ZUP1: variants seen among roughly 807,000 people sequenced by gnomAD.
ZUP1 encodes zinc finger containing ubiquitin peptidase 1, also known as zinc finger-containing ubiquitin peptidase 1.
Under a neutral mutation model 68.1 loss-of-function variants are expected in ZUP1, and 55 were observed. The ratio of observed to expected loss-of-function variants is 0.81; its 90% CI spans 0.65 to 1.01. The LOEUF (loss-of-function observed/expected upper bound fraction) is 1.01, where lower values mean the gene tolerates loss of function less well. Ranked by LOEUF, ZUP1 falls within the 50% of genes least tolerant of loss-of-function variation. The pLI, the probability that ZUP1 is intolerant of heterozygous loss-of-function variation, is 0.00. For synonymous variants in ZUP1, 223 were observed against 221.5 expected, an observed-to-expected ratio of 1.01 and a Z score of -0.06; for missense variants, 684 against 674.9, an observed-to-expected ratio of 1.01 and a Z score of -0.15.
intron 9 of ZUP1, among the ~76,000 whole-genome samples, chr6:116,639,108 A>T (rs1271519840): frequency 6.6e-6 from 1 of 152,238 alleles, no homozygotes; most frequent in Non-Finnish European, 1.5e-5. Flanking sequence ...CTGAGATCAA[A>T]CTGCAAGGCG....
At chr6:116,642,528 C>G (rs1416067053) in intron 9 of ZUP1, among the ~76,000 whole-genome samples, 3 of 152,076 alleles carry the variant, frequency 2.0e-5, no homozygotes, top group Admixed American at 2.0e-4. Flanking sequence ...AAGGCTGGTT[C>G]AATATACGCA....
intron 2 of ZUP1, among the ~76,000 whole-genome samples, chr6:116,662,469 C>T (rs1022623179): frequency 6.6e-6 from 1 of 152,198 alleles, no homozygotes; most frequent in Admixed American, 6.5e-5. Flanking sequence ...GATGTAACCA[C>T]CAACACTGTT....
intron 3 of ZUP1, among the ~76,000 whole-genome samples, chr6:116,659,185 A>G (rs1484913437): frequency 6.6e-6 from 1 of 152,214 alleles, no homozygotes; most frequent in Non-Finnish European, 1.5e-5. Flanking sequence ...GCTGGAGTAC[A>G]ATGGTGCGAT....
chr6:116,644,854 T>A (rs1056248268), intron 9 of ZUP1, among the ~76,000 whole-genome samples: 21 of 149,978 alleles, frequency 1.4e-4, no homozygotes, highest in African/African-American at 2.2e-4. Context: ...ATAATAATAA[T>A]AAATAATAAA....
Position 116,635,656 on chromosome 6 carries a change from CCAAA to C in ZUP1, c.*172_*175del, listed in dbSNP as rs1420026421. The C allele has an allele frequency of 4.7e-5, 21 of 450,620 alleles. No individual in the cohort carries two copies. The highest frequency in any genetic ancestry group is 3.9e-4 in the African/African-American group (19 of 48,884). The allele number at this position is 450,620 out of a possible 1,614,324, so 27.9% of individuals were successfully genotyped here. A position where few individuals can be genotyped will look rare whatever the true frequency, so the allele number is the denominator to read the frequency against. On this transcript the variant is annotated 3_prime_UTR_variant, in exon 10 of 10. Transcript: ENST00000368576. The stretch of plus-strand genomic sequence containing the variant: ...CAAGACATTTTATTGAAATAATTTA[CCAAA>C]CAATGAAGTATGATAGGTATAATTC...
intron 9 of ZUP1, among the ~76,000 whole-genome samples, chr6:116,641,399 C>G (rs1255378506): frequency 6.6e-6 from 1 of 151,968 alleles, no homozygotes; most frequent in African/African-American, 2.4e-5. Context: ...TTTTTCAGCA[C>G]CACACCACAC....
chr6:116,651,324 CAT>C lies in ZUP1; in HGVS notation c.1316+246_1316+247del, dbSNP rs1257936183. On this transcript the variant is annotated intron_variant, in intron 7 of 9. Coordinates refer to ENST00000368576, the MANE Select transcript of ZUP1 (RefSeq NM_145062.3). ...ATATTAAAACAGACTATCTGAAACT[CAT>C]AAACCAAGAAACAGCTATGAAAGCA... 4.6e-5 allele frequency among the ~76,000 whole-genome samples: 7 copies of C among 152,166 alleles called. No homozygotes were observed. The East Asian group carries it at 1.4e-3, about 29-fold the overall frequency.
At chr6:116,640,032 G>A (rs1197133500) in intron 9 of ZUP1, among the ~76,000 whole-genome samples, 9 of 152,204 alleles carry the variant, frequency 5.9e-5, no homozygotes, top group Non-Finnish European at 1.3e-4. Context: ...CGAGAACTAC[G>A]TGAAGAATGC....
At chr6:116,654,992 T>C (rs1340963296) in intron 5 of ZUP1, among the ~76,000 whole-genome samples, 1 of 152,230 alleles carries the variant, frequency 6.6e-6, no homozygotes. Context: ...ATTCCAGTTC[T>C]GGATGTAATA....
chr6:116,666,178 T>A (rs1002143954), intron 2 of ZUP1, among the ~76,000 whole-genome samples: 6 of 151,954 alleles, frequency 3.9e-5, no homozygotes, highest in Non-Finnish European at 8.8e-5. Context: ...CAGAATACAC[T>A]TTTTTTTCCC....
intron 9 of ZUP1, among the ~76,000 whole-genome samples, chr6:116,645,508 G>T (rs1270053268): frequency 6.7e-6 from 1 of 149,576 alleles, no homozygotes; most frequent in African/African-American, 2.5e-5. Flanking sequence ...TTGAGCCTGG[G>T]AGGTCAAGGC....
At chr6:116,651,840 G>A in intron 6 of ZUP1, 103 bp from the exon 7 acceptor site, 1 of 1,442,254 alleles carries the variant, frequency 6.9e-7, no homozygotes, top group Non-Finnish European at 9.4e-7. Flanking sequence ...TTTTAAGACA[G>A]TTATTCCTGA....
Position 116,647,589 on chromosome 6 carries a change from G to A in ZUP1, c.1338C>T (p.His446=). 6.4e-7 allele frequency: 1 copy of A among 1,573,712 alleles called. No homozygotes were observed. The highest frequency in any genetic ancestry group is 2.3e-5 in the East Asian group (1 of 44,204). ...GTGTACCCAAAGGACCAGTTGATTT[G>A]TGAAAATCAACAATATGACACCTAT... ...LRVKCHIVDF[H]KSTGPLGTHP... Residue 446 remains histidine (H), a synonymous_variant, in exon 8 of 10, where the codon CAC becomes CAT. Transcript: ENST00000368576.
intron 1 of ZUP1, among the ~76,000 whole-genome samples, 160 bp downstream of exon 1, chr6:116,668,406 G>A (rs1487255206): frequency 1.3e-5 from 2 of 152,224 alleles, no homozygotes; most frequent in Non-Finnish European, 2.9e-5. Flanking sequence ...AGGACCCAGT[G>A]CCAAGCTAGG....
chr6:116,662,271 G>A (rs139897200), intron 2 of ZUP1, among the ~76,000 whole-genome samples: 3 of 152,276 alleles, frequency 2.0e-5, no homozygotes, highest in Non-Finnish European at 4.4e-5. Context: ...GGAGGCCTTT[G>A]CTTATCGCTT....
rs900233476 is a variant in ZUP1 at position 116,651,493 on chromosome 6, CT to C, written c.1316+78del. On this transcript the variant is annotated intron_variant, in intron 7 of 9. Transcript: ENST00000368576. ...ACTTAATTTTATTTTTAAACTATCT[CT>C]TTGCTAAAAAATAAAATTTTACAAA... 1.2e-5 allele frequency: 16 copies of C among 1,282,222 alleles called. No individual in the cohort carries two copies. In the African/African-American group the frequency reaches 2.3e-4, roughly 18 times the overall value. The allele number at this position is 1,282,222 out of a possible 1,614,324, so 79.4% of individuals were successfully genotyped here.
rs1226745345 is a variant in ZUP1, at chr6:116,644,320, C to G, written c.1689+1394G>C. On this transcript the variant is annotated intron_variant, in intron 9 of 9. Transcript: ENST00000368576. ...TCTAGAACTAGAAATACCATTTGAC[C>G]CAGCCATCCTATTACTGGGTATATA... 7.2e-5 allele frequency among the ~76,000 whole-genome samples: 11 copies of G among 152,082 alleles called. No homozygotes were observed. The East Asian group carries it at 2.1e-3, about 29-fold the overall frequency.
intron 2 of ZUP1, among the ~76,000 whole-genome samples, chr6:116,663,785 T>TAA (rs1216326698): frequency 6.9e-6 from 1 of 145,422 alleles, no homozygotes; most frequent in Non-Finnish European, 1.5e-5. Context: ...TATTAAATAT[T>TAA]AAAAAAAAAA....
At position 116,667,183 on chromosome 6, in the gene ZUP1, A is replaced by C. The variant is rs1053487938; in HGVS notation, c.10T>G (p.Cys4Gly). Residue 4 changes from cysteine to glycine, a missense_variant, in exon 2 of 10, where the codon TGT becomes GGT. Transcript: ENST00000368576. MLSCNICGETVTSE... is the reference protein window; with the variant it reads MLSGNICGETVTSE... Reference sequence around the variant, plus strand: ...GTTACTGTTTCACCACAAATATTACAGGAAAGCATGGTATTGACAAGTAGC... The same window carrying C: ...GTTACTGTTTCACCACAAATATTACCGGAAAGCATGGTATTGACAAGTAGC... 1.5e-5 allele frequency: 23 copies of C among 1,579,358 alleles called. No homozygotes were observed. The highest frequency in any genetic ancestry group is 1.9e-5 in the Non-Finnish European group (22 of 1,162,736).
Sources: gnomAD v4.1 joint callset for allele counts (sites outside exome capture counted in the v4.1 genomes callset) on GRCh38, gnomAD v4.1.1 for gene constraint, MANE v1.5 for transcripts, NCBI Gene and HGNC (gene_info 2026-07-23, HGNC 2026-07-21) for gene names.